The following TRAPPC9 variants were observed in gnomAD, a reference collection of about 807,000 sequenced individuals.
The protein encoded by TRAPPC9 is IKK2 binding protein.
Under a neutral mutation model 124.0 loss-of-function variants are expected in TRAPPC9, and 83 were observed. That is an observed-to-expected ratio of 0.67 (90% CI 0.56 to 0.80). The LOEUF (loss-of-function observed/expected upper bound fraction) is 0.80. TRAPPC9 is among the 30% of genes least tolerant of loss of function. The pLI, the probability that TRAPPC9 is intolerant of heterozygous loss-of-function variation, is 0.00. For synonymous variants in TRAPPC9, 638 were observed against 617.5 expected, an observed-to-expected ratio of 1.03 and a Z score of -0.49; for missense variants, 1,302 against 1,508.3, an observed-to-expected ratio of 0.86 and a Z score of 2.27.
intron 19 of TRAPPC9, among the ~76,000 whole-genome samples, chr8:139,921,777 GA>G (rs1446226908): frequency 6.6e-6 from 1 of 152,122 alleles, no homozygotes; most frequent in East Asian, 1.9e-4. Context: ...GGCCAGATAA[GA>G]AAGGGCTATG....
At chr8:140,360,250 G>A (rs1007766587) in intron 8 of TRAPPC9, 57 bp from the exon 9 acceptor site, 79 of 1,609,112 alleles carry the variant, frequency 4.9e-5, no homozygotes, top group African/African-American at 1.1e-4. Flanking sequence ...CAGGAAATAC[G>A]GTTAATCTAA....
chr8:140,323,799 G>A (rs2066662815), intron 9 of TRAPPC9, among the ~76,000 whole-genome samples: 1 of 152,062 alleles, frequency 6.6e-6, no homozygotes. Flanking sequence ...ATACAAGATG[G>A]TAGACTTGAA....
At chr8:140,349,258 A>C (rs1329963178) in intron 9 of TRAPPC9, among the ~76,000 whole-genome samples, 1,295 of 33,970 alleles carry the variant, frequency 0.038, 13 homozygotes, top group Non-Finnish European at 0.048. Flanking sequence ...AAGGGCACAG[A>C]GGGGGGCCGA....
chr8:139,786,171 G>A (rs546548008), intron 21 of TRAPPC9, among the ~76,000 whole-genome samples: 14 of 152,164 alleles, frequency 9.2e-5, no homozygotes, highest in African/African-American at 1.7e-4. Context: ...TCGCGCCACC[G>A]CACTCCAGCC....
In TRAPPC9 at chr8:139,754,737, G is replaced by C. The variant is rs550393860; in HGVS notation, c.3056-22535C>G. ...GCTGCGTGCCAGCCTCTGTTTTCCAGAGACGCCCCCACCCCGTGTCACAAG... is the reference window on the plus strand; with the variant it reads ...GCTGCGTGCCAGCCTCTGTTTTCCACAGACGCCCCCACCCCGTGTCACAAG... On this transcript the variant is annotated intron_variant, in intron 21 of 22. Transcript: ENST00000438773. Among the ~76,000 whole-genome samples the C allele has an allele frequency of 3.9e-5, 6 of 152,282 alleles. No homozygotes were observed. In the South Asian group the frequency reaches 1.0e-3, roughly 26 times the overall value.
At chr8:139,982,948 C>A (rs1837009138) in intron 19 of TRAPPC9, among the ~76,000 whole-genome samples, 1 of 152,212 alleles carries the variant, frequency 6.6e-6, no homozygotes, top group Admixed American at 6.5e-5. Context: ...CTGGCCCTGG[C>A]CACCTCCTGC....
At chr8:140,258,190 G>C (rs760671854) in intron 15 of TRAPPC9, among the ~76,000 whole-genome samples, 1 of 152,214 alleles carries the variant, frequency 6.6e-6, no homozygotes, top group South Asian at 2.1e-4. Flanking sequence ...GAAACTCCCC[G>C]GAGAGACCGC....
chr8:139,823,089 T>C (rs1324932340), intron 21 of TRAPPC9, among the ~76,000 whole-genome samples: 2 of 152,132 alleles, frequency 1.3e-5, no homozygotes, highest in Admixed American at 1.3e-4. Context: ...TTAAGCTTAG[T>C]TGCCTTCTCA....
At chr8:140,149,250 G>A (rs553468216) in intron 17 of TRAPPC9, among the ~76,000 whole-genome samples, 24 of 152,264 alleles carry the variant, frequency 1.6e-4, no homozygotes, top group African/African-American at 5.8e-4. Flanking sequence ...GGGCCTAGAA[G>A]ACAAGCCACT....
chr8:140,019,612 G>A (rs1421853220), intron 18 of TRAPPC9, among the ~76,000 whole-genome samples: 2 of 133,226 alleles, frequency 1.5e-5, no homozygotes, highest in Middle Eastern at 5.4e-3. Context: ...GAGTGCAGTG[G>A]TGCAATCTTG....
At chr8:140,378,306 GACTCGGTGGGC>G (rs1292619630) in intron 7 of TRAPPC9, among the ~76,000 whole-genome samples, 1 of 152,164 alleles carries the variant, frequency 6.6e-6, no homozygotes, top group East Asian at 1.9e-4. Flanking sequence ...ATTAACATTT[GACTCGGTGGGC>G]TGGGAGAGGC....
At chr8:139,835,117 A>C (rs1826247947) in intron 21 of TRAPPC9, among the ~76,000 whole-genome samples, 1 of 152,140 alleles carries the variant, frequency 6.6e-6, no homozygotes, top group African/African-American at 2.4e-5. Flanking sequence ...AATGAATGCG[A>C]CCTTGGGTGA....
chr8:140,035,558 G>A (rs1840822620), intron 17 of TRAPPC9, among the ~76,000 whole-genome samples: 1 of 152,216 alleles, frequency 6.6e-6, no homozygotes, highest in African/African-American at 2.4e-5. Flanking sequence ...GCTGGGAGCT[G>A]CGCACACTGG....
At position 140,457,740 on chromosome 8, in the gene TRAPPC9, C is replaced by A. The variant is rs2071740434; in HGVS notation, c.-112G>T. On this transcript the variant is annotated 5_prime_UTR_variant, in exon 1 of 23. In the 5' UTR this introduces an upstream ATG that the reference lacks. Transcript: ENST00000438773. ...TTCCCAGGCTCTGGGCTGGCGCTTCCTACTGGCGGCCGAGCCGGCGCTGCT... is the reference window on the plus strand; with the variant it reads ...TTCCCAGGCTCTGGGCTGGCGCTTCATACTGGCGGCCGAGCCGGCGCTGCT... 1.0e-6 allele frequency: 1 copy of A among 996,520 alleles called. No homozygotes were observed. Among genetic ancestry groups the A allele is most frequent in the African/African-American group, 1.7e-5 (1 of 57,490 alleles). The allele number at this position is 996,520 out of a possible 1,614,324, so 61.7% of individuals were successfully genotyped here.
At chr8:139,806,312 C>T (rs1397421338) in intron 21 of TRAPPC9, 1 of 152,288 alleles carries the variant, frequency 6.6e-6, no homozygotes, top group East Asian at 1.9e-4. Context: ...GATTTCCCTC[C>T]TGTGCGCAGC....
intron 5 of TRAPPC9, among the ~76,000 whole-genome samples, chr8:140,424,745 G>A (rs2132542966): frequency 6.6e-6 from 1 of 152,186 alleles, no homozygotes; most frequent in East Asian, 1.9e-4. Flanking sequence ...CAAAGGCCTA[G>A]CTGCTAGAAA....
chr8:139,915,112 G>A (rs1832032752), intron 19 of TRAPPC9, among the ~76,000 whole-genome samples: 1 of 152,174 alleles, frequency 6.6e-6, no homozygotes, highest in Non-Finnish European at 1.5e-5. Flanking sequence ...TCTGCAGCGG[G>A]TGTTGGCGGG....
chr8:139,969,475 G>A (rs943763359), intron 19 of TRAPPC9, among the ~76,000 whole-genome samples: 3 of 152,232 alleles, frequency 2.0e-5, no homozygotes, highest in African/African-American at 7.2e-5. Context: ...TCATGGCCTA[G>A]GTTCGGATCC....
At chr8:140,208,830 A>AT (rs373921091) in intron 17 of TRAPPC9, among the ~76,000 whole-genome samples, 2 of 151,732 alleles carry the variant, frequency 1.3e-5, no homozygotes, top group East Asian at 1.9e-4. Context: ...TTAGAAGCAG[A>AT]TTTTTTTTTC....
Sources: gnomAD v4.1 joint callset for allele counts (sites outside exome capture counted in the v4.1 genomes callset) on GRCh38, gnomAD v4.1.1 for gene constraint, MANE v1.5 for transcripts, NCBI Gene and HGNC (gene_info 2026-07-23, HGNC 2026-07-21) for gene names.